The following TTC5 variants were observed in gnomAD, a reference collection of about 807,000 sequenced individuals.
TTC5 encodes tetratricopeptide repeat protein 5.
In TTC5, 46 loss-of-function variants were observed where a neutral mutation model predicts 57.4. The ratio of observed to expected loss-of-function variants is 0.80; its 90% CI spans 0.63 to 1.03. The LOEUF (loss-of-function observed/expected upper bound fraction) is 1.03. Ranked by LOEUF, TTC5 falls within the 50% of genes least tolerant of loss-of-function variation. TTC5 has a pLI of 0.00. For synonymous variants in TTC5, 190 were observed against 203.5 expected (o/e 0.93, Z 0.57); for missense variants, 504 against 528.1 (o/e 0.95, Z 0.45).
chr14:20,289,416 T>C lies in TTC5; in HGVS notation c.*211A>G, dbSNP rs935799988. ...AGCAGTGGAAGAGACAGGAGAGATA[T>C]GCCAGAAGAGTATGTGGCCCTGTAG... On this transcript the variant is annotated 3_prime_UTR_variant, in exon 10 of 10. Transcript: ENST00000258821. The C allele has an allele frequency of 4.5e-6, 2 of 440,200 alleles. No individual in the cohort carries two copies. Among genetic ancestry groups the C allele is most frequent in the African/African-American group, 1.9e-5 (1 of 51,334 alleles). 27.3% of individuals were successfully genotyped at this position (440,200 alleles called of 1,614,324 possible).
chr14:20,297,046 A>G (rs1381120754), intron 5 of TTC5, among the ~76,000 whole-genome samples: 1 of 152,190 alleles, frequency 6.6e-6, no homozygotes, highest in Non-Finnish European at 1.5e-5. Context: ...AGGTGAAATC[A>G]TTTTGATTTT....
intron 5 of TTC5, among the ~76,000 whole-genome samples, chr14:20,297,997 G>T (rs1882101783): frequency 6.6e-6 from 1 of 152,132 alleles, no homozygotes; most frequent in Non-Finnish European, 1.5e-5. Context: ...ATTTAAAAGG[G>T]CAGTCCCTGA....
chr14:20,302,570 A>G (rs1882214625), intron 1 of TTC5, among the ~76,000 whole-genome samples: 1 of 152,154 alleles, frequency 6.6e-6, no homozygotes, highest in African/African-American at 2.4e-5. Context: ...GGTTTTGTTT[A>G]GTTTGATTTT....
Position 20,298,795 on chromosome 14 carries a change from A to G in TTC5, c.639+2T>C. On this transcript the variant is annotated splice_donor_variant, in intron 5 of 9. Transcript: ENST00000258821. LOFTEE classifies it high-confidence loss of function. ...TCTGGCCTGGTGACCATAAGTACTT[A>G]CTGCTTGGGCATAGGCACTGAGGGC... 6.2e-7 allele frequency: 1 copy of G among 1,608,592 alleles called. No individual in the cohort carries two copies. Among genetic ancestry groups the G allele is most frequent in the Non-Finnish European group, 8.5e-7 (1 of 1,174,934 alleles).
In TTC5 at chr14:20,288,112, T is replaced by C. The variant is rs1881876047; in HGVS notation, c.*1515A>G. 6.6e-6 allele frequency: 1 copy of C among 152,206 alleles called. No homozygotes were observed. The allele number at this position is 152,206 out of a possible 1,614,324, so 9.4% of individuals were successfully genotyped here. A position where few individuals can be genotyped will look rare whatever the true frequency, so the allele number is the denominator to read the frequency against. On this transcript the variant is annotated 3_prime_UTR_variant, in exon 10 of 10. Transcript: ENST00000258821. Reference sequence around the variant, plus strand: ...AGCTATACCTGAGAATGTAAGCCTTTTTGGACCAAAAGAATGGACTGAAAA... The same window carrying C: ...AGCTATACCTGAGAATGTAAGCCTTCTTGGACCAAAAGAATGGACTGAAAA...
In TTC5 at chr14:20,299,319, C is replaced by T. The variant is rs766825851; in HGVS notation, c.526G>A (p.Val176Ile). The T allele has an allele frequency of 4.0e-5, 64 of 1,613,990 alleles. No individual in the cohort carries two copies. The Middle Eastern group carries it at 6.6e-4, about 17-fold the overall frequency. ...RQAKLAVQMD[V>I]HDGRSWYILG... The stretch of plus-strand genomic sequence containing the variant: ...TCACACCAGGAGCGGCCATCATGGA[C>T]ATCCATCTGAACAGCCAACTTAGCC... The change falls in exon 4 of 10, where the codon GTC becomes ATC. Residue 176 changes from valine to isoleucine, a missense_variant. Physicochemically the swap from Val to Ile is conservative, Grantham distance 29. Coordinates refer to ENST00000258821, the MANE Select transcript of TTC5 (RefSeq NM_138376.3).
Position 20,286,758 on chromosome 14 carries a change from C to G in TTC5, c.*2869G>C, listed in dbSNP as rs982073527. 4.4e-5 allele frequency: 6 copies of G among 136,488 alleles called. No individual in the cohort carries two copies. The highest frequency in any genetic ancestry group is 8.1e-5 in the Non-Finnish European group (5 of 61,660). The allele number at this position is 136,488 out of a possible 1,614,324, so 8.5% of individuals were successfully genotyped here. A position where few individuals can be genotyped will look rare whatever the true frequency, so the allele number is the denominator to read the frequency against. ...AGACCCAATAGAATAAAAAAAAAAACAGGATAAAACTGTATGTAGACAAAC... is the reference window on the plus strand; with the variant it reads ...AGACCCAATAGAATAAAAAAAAAAAGAGGATAAAACTGTATGTAGACAAAC... On this transcript the variant is annotated 3_prime_UTR_variant, in exon 10 of 10. Transcript: ENST00000258821.
At chr14:20,295,218 C>A in intron 8 of TTC5, 94 bp downstream of exon 8, 1 of 1,144,880 alleles carries the variant, frequency 8.7e-7, no homozygotes, top group Admixed American at 1.9e-5. Flanking sequence ...AAATCTGTGA[C>A]CACTGACAAT....
intron 1 of TTC5, 153 bp downstream of exon 1, chr14:20,305,734 C>A (rs1882277774): frequency 9.4e-6 from 7 of 743,174 alleles, no homozygotes; most frequent in Middle Eastern, 2.6e-4. Context: ...CCCTGGCTGG[C>A]TGCGGCTGCA....
At chr14:20,293,683 G>A (rs1594262873) in intron 8 of TTC5, 1 of 152,178 alleles carries the variant, frequency 6.6e-6, no homozygotes, top group African/African-American at 2.4e-5. Context: ...TGATAAGGGG[G>A]TGAATTAAGG....
intron 3 of TTC5, 82 bp from the exon 4 acceptor site, chr14:20,299,530 T>A: frequency 1.3e-6 from 2 of 1,504,836 alleles, no homozygotes; most frequent in Admixed American, 1.7e-5. Flanking sequence ...GTCTTCTAAA[T>A]CTAATTTTTT....
rs958540085 is a variant in TTC5 at position 20,289,565 on chromosome 14, G to C, written c.*62C>G. The C allele has an allele frequency of 1.1e-5, 17 of 1,546,960 alleles. No homozygotes were observed. Among genetic ancestry groups the C allele is most frequent in the Middle Eastern group, 2.2e-4 (1 of 4,448 alleles). On this transcript the variant is annotated 3_prime_UTR_variant, in exon 10 of 10. Coordinates refer to ENST00000258821, the MANE Select transcript of TTC5 (RefSeq NM_138376.3). ...CCTGCTGAATCACTGGATGTGGCTGGACCGGCTGTCCAGAGCCTTGTCTCC... is the reference window on the plus strand; with the variant it reads ...CCTGCTGAATCACTGGATGTGGCTGCACCGGCTGTCCAGAGCCTTGTCTCC...
chr14:20,305,695 G>C (rs1221723821), intron 1 of TTC5, 192 bp downstream of exon 1: 1 of 614,320 alleles, frequency 1.6e-6, no homozygotes, highest in African/African-American at 1.8e-5. Context: ...ACCGCAGTCA[G>C]GTCGGCAGCA....
chr14:20,290,749 T>C (rs1402475943), intron 9 of TTC5, among the ~76,000 whole-genome samples: 1 of 152,226 alleles, frequency 6.6e-6, no homozygotes, highest in East Asian at 1.9e-4. Flanking sequence ...CCTCACTGTG[T>C]TTCTAATTTT....
At chr14:20,294,846 C>A (rs1882027499) in intron 8 of TTC5, 2 of 169,838 alleles carry the variant, frequency 1.2e-5, no homozygotes, top group South Asian at 2.9e-4. Flanking sequence ...ATTACACACT[C>A]AATAAATATT....
intron 8 of TTC5, chr14:20,293,667 G>A (rs1882003058): frequency 6.6e-6 from 1 of 152,196 alleles, no homozygotes. Context: ...GACCTATCTG[G>A]AGAAGTGATA....
intron 1 of TTC5, 30 bp from the exon 2 acceptor site, chr14:20,301,995 T>C (rs200440390): frequency 4.2e-5 from 67 of 1,612,598 alleles, no homozygotes; most frequent in Non-Finnish European, 5.6e-5. Context: ...AACCATTAAG[T>C]GGAAAGATCA....
rs73583441 is a variant in TTC5 at position 20,296,635 on chromosome 14, A to C, written c.640-189T>G. On this transcript the variant is annotated intron_variant, in intron 5 of 9. Transcript: ENST00000258821. ...TTAGTCCCAAAACCTTAGGGATATA[A>C]GTGTTTTTGTATGTGTGAGACTTCA... 3.9e-3 allele frequency among the ~76,000 whole-genome samples: 601 copies of C among 152,324 alleles called. 5 individuals carry two copies. Among genetic ancestry groups the C allele is most frequent in the African/African-American group, 0.014 (582 of 41,570 alleles).
rs756231881 is a variant in TTC5, at chr14:20,296,453, T to G, written c.640-7A>C. The G allele has an allele frequency of 1.2e-6, 2 of 1,607,526 alleles. No individual in the cohort carries two copies. Among genetic ancestry groups the G allele is most frequent in the Non-Finnish European group, 1.7e-6 (2 of 1,173,904 alleles). On this transcript the variant is annotated splice_region_variant and splice_polypyrimidine_tract_variant and intron_variant, in intron 5 of 9. Coordinates refer to ENST00000258821, the MANE Select transcript of TTC5 (RefSeq NM_138376.3). ...CTTTTCTGTCAACTTTCTCCTATAATGGGATGAAAAGATTATCAGTGGATC... is the reference window on the plus strand; with the variant it reads ...CTTTTCTGTCAACTTTCTCCTATAAGGGGATGAAAAGATTATCAGTGGATC...
Sources: gnomAD v4.1 joint callset for allele counts (sites outside exome capture counted in the v4.1 genomes callset) on GRCh38, gnomAD v4.1.1 for gene constraint, MANE v1.5 for transcripts, NCBI Gene and HGNC (gene_info 2026-07-23, HGNC 2026-07-21) for gene names.